PIWIL4: variants seen among roughly 807,000 people sequenced by gnomAD.
PIWIL4 encodes the protein piwi-like protein 4.
Under a neutral mutation model 100.9 loss-of-function variants are expected in PIWIL4, and 50 were observed. The observed-to-expected ratio is 0.50, with a 90% CI of 0.39 to 0.63. The LOEUF (loss-of-function observed/expected upper bound fraction) is 0.63. Ranked by LOEUF, PIWIL4 falls within the 20% of genes least tolerant of loss-of-function variation. PIWIL4 has a pLI of 0.00. For missense variants in PIWIL4, 887 were observed against 1,043.3 expected (o/e 0.85, Z 2.06); for synonymous variants, 342 against 367.5 (o/e 0.93, Z 0.79).
chr11:94,590,279 G>C (rs1948465866), intron 8 of PIWIL4, among the ~76,000 whole-genome samples: 1 of 152,146 alleles, frequency 6.6e-6, no homozygotes, highest in Admixed American at 6.5e-5. Context: ...TTATCCTAAA[G>C]GGCTTTCAGT....
chr11:94,602,667 T>G (rs749413537), intron 12 of PIWIL4, among the ~76,000 whole-genome samples: 21 of 152,214 alleles, frequency 1.4e-4, no homozygotes, highest in Non-Finnish European at 2.6e-4. Context: ...CATGCCTCAT[T>G]TTACTGAAAC....
At chr11:94,587,319 G>T in intron 7 of PIWIL4, 72 bp downstream of exon 7, 2 of 1,444,180 alleles carry the variant, frequency 1.4e-6, no homozygotes, top group Non-Finnish European at 1.9e-6. Flanking sequence ...TAGGAATAGT[G>T]TTGGAGTATT....
chr11:94,615,878 T>C (rs964801819), intron 15 of PIWIL4, among the ~76,000 whole-genome samples: 1 of 152,234 alleles, frequency 6.6e-6, no homozygotes, highest in African/African-American at 2.4e-5. Flanking sequence ...ATGATCTTCA[T>C]TTCCAAGTGC....
rs571078478 is a variant in PIWIL4, at chr11:94,607,539, G to A, written c.1739G>A (p.Arg580Gln). 2.4e-5 allele frequency: 39 copies of A among 1,613,958 alleles called. No individual in the cohort carries two copies. The East Asian group carries it at 3.6e-4, about 15-fold the overall frequency. ...GTCCCAAGCCAATGTGTGCTTGCTC[G>A]GACCTTGAATAAACAGGGCATGATG... ...CPVPSQCVLA[R>Q]TLNKQGMMMS... is the part of the protein sequence containing the mutation. The change falls in exon 14 of 20, where the codon CGG becomes CAG. Residue 580 changes from arginine to glutamine, a missense_variant. Coordinates refer to ENST00000299001, the MANE Select transcript of PIWIL4 (RefSeq NM_152431.3).
At chr11:94,605,622 A>G (rs1948706316) in intron 13 of PIWIL4, among the ~76,000 whole-genome samples, 1 of 152,196 alleles carries the variant, frequency 6.6e-6, no homozygotes, top group Non-Finnish European at 1.5e-5. Context: ...CTTAGCATCT[A>G]TTATAATTCT....
intron 15 of PIWIL4, among the ~76,000 whole-genome samples, chr11:94,612,869 A>G (rs537249273): frequency 5.3e-5 from 8 of 151,972 alleles, no homozygotes; most frequent in Non-Finnish European, 1.2e-4. Flanking sequence ...ATCTTCTTAT[A>G]TTGTGTATAT....
rs1214379081 is a variant in PIWIL4, at chr11:94,601,861, T to C, written c.1447T>C (p.Ser483Pro). The change falls in exon 12 of 20, where the codon TCT (serine) becomes CCT (proline). Residue 483 changes from serine to proline, a missense_variant. Physicochemically the swap from Ser to Pro is moderately conservative, Grantham distance 74. This residue lies in a region of PIWIL4 where 741 missense variants were observed against 930.0 expected (regional missense o/e 0.80). Transcript: ENST00000299001. ...AACTTGCAAGATTTTAAATGCACAG[T>C]CTTTGAATACCTGGTTGATTTTATG... ...IRTCKILNAQSLNTWLILCSD... is the reference protein window; with the variant it reads ...IRTCKILNAQPLNTWLILCSD... 6.2e-7 allele frequency: 1 copy of C among 1,614,136 alleles called. No individual in the cohort carries two copies. Among genetic ancestry groups the C allele is most frequent in the Admixed American group, 1.7e-5 (1 of 60,012 alleles).
intron 7 of PIWIL4, among the ~76,000 whole-genome samples, chr11:94,588,569 G>A (rs1482134976): frequency 1.3e-5 from 2 of 152,204 alleles, no homozygotes; most frequent in Non-Finnish European, 2.9e-5. Flanking sequence ...AGGTCATCCT[G>A]AGAGGACAGT....
chr11:94,598,203 AAAAG>A (rs1948582975), intron 11 of PIWIL4, among the ~76,000 whole-genome samples: 1 of 152,224 alleles, frequency 6.6e-6, no homozygotes, highest in Admixed American at 6.5e-5. Flanking sequence ...TTGCTCTTAA[AAAAG>A]AAAGCCATAG....
At chr11:94,571,747 C>T (rs549598260) in intron 2 of PIWIL4, among the ~76,000 whole-genome samples, 15 of 152,276 alleles carry the variant, frequency 9.9e-5, no homozygotes, top group African/African-American at 2.6e-4. Context: ...AATAAACATA[C>T]GTGTGCATGT....
intron 11 of PIWIL4, among the ~76,000 whole-genome samples, chr11:94,599,380 A>T (rs1414261682): frequency 6.6e-6 from 1 of 152,180 alleles, no homozygotes; most frequent in African/African-American, 2.4e-5. Flanking sequence ...TGACAATATC[A>T]TCAACTTCTT....
intron 2 of PIWIL4, among the ~76,000 whole-genome samples, chr11:94,571,430 G>A (rs7952351): frequency 2.0e-5 from 3 of 151,834 alleles, no homozygotes; most frequent in African/African-American, 4.8e-5. Flanking sequence ...TACTATCCCT[G>A]CCCCCTTCAC....
At chr11:94,593,423 T>C (rs1948513411) in intron 8 of PIWIL4, 95 bp from the exon 9 acceptor site, 1 of 1,257,348 alleles carries the variant, frequency 8.0e-7, no homozygotes, top group African/African-American at 1.5e-5. Context: ...GATTTATTTA[T>C]ATATTAATGT....
At chr11:94,591,532 GT>G (rs1253441072) in intron 8 of PIWIL4, among the ~76,000 whole-genome samples, 28 of 152,270 alleles carry the variant, frequency 1.8e-4, no homozygotes, top group African/African-American at 5.5e-4. Context: ...CATAAAATGT[GT>G]TCTGTGTTTA....
At chr11:94,580,778 A>G (rs1055658475) in intron 4 of PIWIL4, among the ~76,000 whole-genome samples, 39 of 151,752 alleles carry the variant, frequency 2.6e-4, no homozygotes, top group African/African-American at 8.7e-4. Flanking sequence ...TATCCTCAAC[A>G]TCTCTCTCTT....
At chr11:94,611,374 T>TC (rs1290999608) in intron 15 of PIWIL4, among the ~76,000 whole-genome samples, 1 of 152,216 alleles carries the variant, frequency 6.6e-6, no homozygotes, top group East Asian at 1.9e-4. Flanking sequence ...TCCTTTTTTT[T>TC]CACATAGGCA....
At chr11:94,585,384 A>G in intron 5 of PIWIL4, 61 bp from the exon 6 acceptor site, 1 of 1,198,308 alleles carries the variant, frequency 8.3e-7, no homozygotes, top group Non-Finnish European at 1.2e-6. Flanking sequence ...AAGGGTTTGA[A>G]CTTAGAATTA....
chr11:94,616,528 C>G lies in PIWIL4; in HGVS notation c.1979C>G (p.Thr660Ser), dbSNP rs1312512600. The G allele has an allele frequency of 4.4e-6, 7 of 1,606,826 alleles. No homozygotes were observed. Among genetic ancestry groups the G allele is most frequent in the Non-Finnish European group, 3.4e-6 (4 of 1,177,926 alleles). ...CGCTGTATCCTTCAGAGAACAATGA[C>G]TGATGTTGCAGATTGCTTGAAAGTT... is the stretch of plus-strand genomic sequence containing the variant. The part of the protein sequence containing the change: ...FSRCILQRTM[T>S]DVADCLKVFM... Residue 660 changes from threonine (T) to serine (S), a missense_variant, in exon 16 of 20, where the codon ACT becomes AGT. Thr to Ser is a moderately conservative substitution (Grantham distance 58). This residue lies in a region of PIWIL4 where 741 missense variants were observed against 930.0 expected (regional missense o/e 0.80). Transcript: ENST00000299001.
At chr11:94,609,146 A>G (rs1367107321) in intron 15 of PIWIL4, among the ~76,000 whole-genome samples, 1 of 152,248 alleles carries the variant, frequency 6.6e-6, no homozygotes, top group Non-Finnish European at 1.5e-5. Flanking sequence ...TAAAATAGAA[A>G]TAATAATGAT....
Sources: gnomAD v4.1 joint callset for allele counts (sites outside exome capture counted in the v4.1 genomes callset) on GRCh38, gnomAD v4.1.1 for gene constraint, gnomAD v4.1.1 regional missense constraint, MANE v1.5 for transcripts, NCBI Gene and HGNC (gene_info 2026-07-23, HGNC 2026-07-21) for gene names.